Variants in CLCA1 observed in about 807,000 individuals in gnomAD.
CLCA1 encodes the protein chloride channel accessory 1, also known as calcium-activated chloride channel regulator 1.
Under a neutral mutation model 85.6 loss-of-function variants are expected in CLCA1, and 59 were observed. The ratio of observed to expected loss-of-function variants is 0.69; its 90% CI spans 0.56 to 0.86. CLCA1 has a LOEUF of 0.86. Among genes scored for constraint, CLCA1 ranks in the 40% least tolerant of loss-of-function variants. The pLI is 0.00. For missense variants in CLCA1, 1,022 were observed against 1,101.4 expected, an observed-to-expected ratio of 0.93 and a Z score of 1.02; for synonymous variants, 396 against 398.3, an observed-to-expected ratio of 0.99 and a Z score of 0.07.
chr1:86,487,431 T>A (rs1321693), intron 7 of CLCA1, among the ~76,000 whole-genome samples: 126,295 of 151,432 alleles, frequency 0.83, 52,692 homozygotes, highest in South Asian at 0.89. Flanking sequence ...AGAGAGAGAG[T>A]GTGCAGTACA....
At chr1:86,473,920 T>C (rs1032624984) in intron 3 of CLCA1, 44 bp downstream of exon 3, 7 of 1,456,438 alleles carry the variant, frequency 4.8e-6, no homozygotes, top group Admixed American at 3.9e-5. Flanking sequence ...TTAACTATTT[T>C]ATGTTCAAAG....
intron 12 of CLCA1, 54 bp from the exon 13 acceptor site, chr1:86,498,518 G>T (rs565339811): frequency 6.4e-7 from 1 of 1,572,876 alleles, no homozygotes; most frequent in East Asian, 2.3e-5. Flanking sequence ...ACAGACGGAG[G>T]TGTCACCATT....
rs1648188091 is a variant in CLCA1, at chr1:86,493,374, T to G, written c.1465-10T>G. 3 of 1,606,272 alleles carry G rather than the reference T, an allele frequency of 1.9e-6. No homozygotes were observed. The highest frequency in any genetic ancestry group is 1.7e-5 in the Admixed American group (1 of 59,964). ...ATTCTCCAGAAAGTAAGAGCTGTTT[T>G]TCTTAACAGCTTGAGAGTAAGGGAT... On this transcript the variant is annotated splice_polypyrimidine_tract_variant and intron_variant, in intron 9 of 13. Coordinates refer to ENST00000394711, the MANE Select transcript of CLCA1 (RefSeq NM_001285.4).
At chr1:86,493,706 A>G (rs1423686091) in intron 10 of CLCA1, 107 bp downstream of exon 10, 1 of 830,396 alleles carries the variant, frequency 1.2e-6, no homozygotes, top group Non-Finnish European at 1.9e-6. Context: ...AAGGAGAGTC[A>G]GTATTGAATC....
chr1:86,476,657 T>C, intron 4 of CLCA1, 104 bp downstream of exon 4: 1 of 535,700 alleles, frequency 1.9e-6, no homozygotes. Flanking sequence ...TATTTTCTAA[T>C]TCAAATTCAT....
In CLCA1 at chr1:86,499,807, A is replaced by G. The variant is rs1332539996; in HGVS notation, c.2507A>G (p.Asn836Ser). ...LFKPENITFENGTDLFIAIQA... is the reference protein window; with the variant it reads ...LFKPENITFESGTDLFIAIQA... ...AAACCAGAAAACATTACTTTTGAAA[A>G]TGGCACAGATCTTTTCATTGCTATT... Residue 836 changes from asparagine to serine, a missense_variant, in exon 14 of 14, where the codon AAT becomes AGT. By Grantham distance (46) the Asn-to-Ser change is conservative. Coordinates refer to ENST00000394711, the MANE Select transcript of CLCA1 (RefSeq NM_001285.4). 6.2e-7 allele frequency: 1 copy of G among 1,614,006 alleles called. No homozygotes were observed. The highest frequency in any genetic ancestry group is 1.3e-5 in the African/African-American group (1 of 74,940).
At chr1:86,484,699 G>A (rs2734701) in intron 5 of CLCA1, among the ~76,000 whole-genome samples, 86,751 of 151,646 alleles carry the variant, frequency 0.57, 26,514 homozygotes, top group East Asian at 0.79. Context: ...GAGAAAAGAT[G>A]AAGAAATTGA....
chr1:86,491,346 G>A lies in CLCA1; in HGVS notation c.1439G>A (p.Gly480Glu). 6.2e-7 allele frequency: 1 copy of A among 1,613,004 alleles called. No individual in the cohort carries two copies. The highest frequency in any genetic ancestry group is 8.5e-7 in the Non-Finnish European group (1 of 1,179,194). ...TTTGGGGCCCTTTCATCAGGAAATGGAGCTGTCTCTCAGCGCTCCATCCAG... is the reference window on the plus strand; with the variant it reads ...TTTGGGGCCCTTTCATCAGGAAATGAAGCTGTCTCTCAGCGCTCCATCCAG... ...DAFGALSSGNGAVSQRSIQLE... is the reference protein window; with the variant it reads ...DAFGALSSGNEAVSQRSIQLE... Residue 480 changes from glycine (G) to glutamate (E), a missense_variant, in exon 9 of 14, where the codon GGA becomes GAA. By Grantham distance (98) the Gly-to-Glu change is moderately conservative. Transcript: ENST00000394711.
intron 6 of CLCA1, among the ~76,000 whole-genome samples, chr1:86,486,042 G>GAGAGAA (rs3029403): frequency 1.3e-5 from 2 of 150,780 alleles, no homozygotes; most frequent in Non-Finnish European, 3.0e-5. Context: ...GAGAGAGAGA[G>GAGAGAA]TGCGCAATGT....
At chr1:86,473,585 T>C in intron 2 of CLCA1, 28 bp downstream of exon 2, 1 of 1,562,048 alleles carries the variant, frequency 6.4e-7, no homozygotes, top group South Asian at 1.2e-5. Context: ...TTCTTTAAAA[T>C]TCCACTTTCT....
chr1:86,481,488 G>T (rs537137898), intron 4 of CLCA1, among the ~76,000 whole-genome samples: 1 of 151,822 alleles, frequency 6.6e-6, no homozygotes, highest in Non-Finnish European at 1.5e-5. Context: ...AATATGCTAA[G>T]TTTTTTTTAA....
chr1:86,499,695 C>T lies in CLCA1; in HGVS notation c.2395C>T (p.Leu799Phe). 6.2e-7 allele frequency: 1 copy of T among 1,601,704 alleles called. No individual in the cohort carries two copies. The highest frequency in any genetic ancestry group is 8.6e-7 in the Non-Finnish European group (1 of 1,169,456). The change falls in exon 14 of 14, where the codon CTC (leucine) becomes TTC (phenylalanine). Residue 799 changes from leucine (L) to phenylalanine (F), a missense_variant. Transcript: ENST00000394711. ...TCGAATAAGTACAAGTATTCTTGAT[C>T]TCAGAGACAAGTTCAATGAATCTCT... ...IIRISTSILD[L>F]RDKFNESLQV...
intron 2 of CLCA1, 53 bp from the exon 3 acceptor site, chr1:86,473,676 T>G: frequency 6.6e-7 from 1 of 1,516,400 alleles, no homozygotes; most frequent in Admixed American, 2.0e-5. Context: ...ACGAATATGG[T>G]TAATTCATTT....
chr1:86,490,395 T>C (rs1004866306), intron 8 of CLCA1, among the ~76,000 whole-genome samples: 1 of 152,212 alleles, frequency 6.6e-6, no homozygotes, highest in Non-Finnish European at 1.5e-5. Flanking sequence ...ACTAACTTAG[T>C]GACACCTATT....
At chr1:86,473,117 T>G (rs952232971) in intron 1 of CLCA1, among the ~76,000 whole-genome samples, 1 of 152,218 alleles carries the variant, frequency 6.6e-6, no homozygotes, top group Non-Finnish European at 1.5e-5. Context: ...TTCCATTTTG[T>G]TAATGGGAAA....
chr1:86,497,697 C>G (rs1417181609), intron 12 of CLCA1, among the ~76,000 whole-genome samples: 1 of 152,054 alleles, frequency 6.6e-6, no homozygotes, highest in Non-Finnish European at 1.5e-5. Flanking sequence ...AAATGAAATA[C>G]AAACATCGAG....
At chr1:86,482,612 T>C (rs1647849924) in intron 5 of CLCA1, among the ~76,000 whole-genome samples, 1 of 152,174 alleles carries the variant, frequency 6.6e-6, no homozygotes, top group African/African-American at 2.4e-5. Flanking sequence ...TAGTTTTTAG[T>C]TCAAGTGCTT....
chr1:86,485,307 T>G (rs1260209457), intron 5 of CLCA1, 36 bp from the exon 6 acceptor site: 1 of 1,482,984 alleles, frequency 6.7e-7, no homozygotes, highest in African/African-American at 1.4e-5. Flanking sequence ...ACCACATAGT[T>G]TACCATTATC....
At position 86,495,591 on chromosome 1, in the gene CLCA1, G is replaced by GATCTACTTTTA. The variant is rs780804681; in HGVS notation, c.2029_2030insATCTACTTTTA (p.Ala677AspfsTer16). The GATCTACTTTTA allele has an allele frequency of 1.9e-6, 3 of 1,613,956 alleles. No individual in the cohort carries two copies. Among genetic ancestry groups the GATCTACTTTTA allele is most frequent in the Admixed American group, 3.3e-5 (2 of 59,984 alleles). ...TGGTAGATACAGTGTAAAAGTGCGG[G>GATCTACTTTTA]CTCTGGGAGGAGTTAACGCAGCCAG... On this transcript the variant is annotated frameshift_variant, in exon 12 of 14. Coordinates refer to ENST00000394711, the MANE Select transcript of CLCA1 (RefSeq NM_001285.4). LOFTEE classifies it high-confidence loss of function.
Sources: gnomAD v4.1 joint callset for allele counts (sites outside exome capture counted in the v4.1 genomes callset) on GRCh38, gnomAD v4.1.1 for gene constraint, MANE v1.5 for transcripts, NCBI Gene and HGNC (gene_info 2026-07-23, HGNC 2026-07-21) for gene names.